The following ABCC2 variants were observed in gnomAD, a reference collection of about 807,000 sequenced individuals.
The protein encoded by ABCC2 is ATP-binding cassette sub-family C member 2.
A neutral mutation model predicts 173.4 loss-of-function variants in ABCC2; 157 were observed. The ratio of observed to expected loss-of-function variants is 0.91; its 90% CI spans 0.80 to 1.03. The LOEUF (loss-of-function observed/expected upper bound fraction) is 1.03. Among genes scored for constraint, ABCC2 ranks in the 50% least tolerant of loss-of-function variants. ABCC2 has a pLI of 0.00. For missense variants in ABCC2, 1,822 were observed against 1,852.3 expected, an observed-to-expected ratio of 0.98 and a Z score of 0.30; for synonymous variants, 657 against 693.5, an observed-to-expected ratio of 0.95 and a Z score of 0.83.
At chr10:99,795,769 A>AAG (rs1175788613) in intron 6 of ABCC2, among the ~76,000 whole-genome samples, 1 of 146,150 alleles carries the variant, frequency 6.8e-6, no homozygotes, top group African/African-American at 2.7e-5. Flanking sequence ...GAAAGAAAGA[A>AAG]AGAAAGAAAG....
intron 5 of ABCC2, among the ~76,000 whole-genome samples, 172 bp downstream of exon 5, chr10:99,794,171 A>C (rs1167538298): frequency 6.6e-6 from 1 of 152,092 alleles, no homozygotes; most frequent in African/African-American, 2.4e-5. Context: ...ACTGACTTTT[A>C]CTTTCACCTA....
chr10:99,843,956 C>G, intron 27 of ABCC2, 56 bp downstream of exon 27: 1 of 1,342,100 alleles, frequency 7.5e-7, no homozygotes, highest in South Asian at 1.2e-5. Context: ...GCAACTCCTT[C>G]GAGAGTGCAT....
chr10:99,799,133 C>T, intron 7 of ABCC2, 74 bp from the exon 8 acceptor site: 1 of 1,577,394 alleles, frequency 6.3e-7, no homozygotes, highest in Non-Finnish European at 8.7e-7. Flanking sequence ...GGCTCACAGG[C>T]TGACCACCCT....
chr10:99,801,394 G>A (rs1470643253), intron 9 of ABCC2, among the ~76,000 whole-genome samples: 1 of 152,108 alleles, frequency 6.6e-6, no homozygotes, highest in Admixed American at 6.5e-5. Context: ...GTGCCACCAC[G>A]CCCGGCTAAT....
At chr10:99,814,404 C>T (rs2038320376) in intron 16 of ABCC2, among the ~76,000 whole-genome samples, 1 of 138,844 alleles carries the variant, frequency 7.2e-6, no homozygotes, top group Admixed American at 7.0e-5. Flanking sequence ...GGTATATATA[C>T]ACACGTGTAT....
chr10:99,807,622 C>A, intron 12 of ABCC2, 101 bp downstream of exon 12: 1 of 1,536,682 alleles, frequency 6.5e-7, no homozygotes, highest in Middle Eastern at 2.1e-4. Context: ...CATCTCTAGG[C>A]CTGACCGCAA....
Position 99,831,689 on chromosome 10 carries a change from A to T in ABCC2, c.2962A>T (p.Met988Leu). 1.2e-6 allele frequency: 2 copies of T among 1,614,186 alleles called. No individual in the cohort carries two copies. Among genetic ancestry groups the T allele is most frequent in the Non-Finnish European group, 1.7e-6 (2 of 1,180,034 alleles). The change falls in exon 22 of 32, where the codon ATG (methionine) becomes TTG (leucine). Residue 988 changes from methionine (M) to leucine (L), a missense_variant. Coordinates refer to ENST00000647814, the MANE Select transcript of ABCC2 (RefSeq NM_000392.5). ...ATTCTTCATCATCCTTGCGTTTGTG[A>T]TGAATTCTGTGGCTTTTATTGGATC... ...SIFFIILAFV[M>L]NSVAFIGSNL...
intron 16 of ABCC2, among the ~76,000 whole-genome samples, chr10:99,814,376 CACATATAT>C (rs1477679943): frequency 2.2e-4 from 5 of 22,568 alleles, no homozygotes; most frequent in East Asian, 3.8e-3. Flanking sequence ...TGTATATATA[CACATATAT>C]ACATATATGG....
At chr10:99,842,188 T>C (rs1276519603) in intron 26 of ABCC2, 95 bp downstream of exon 26, 2 of 1,568,324 alleles carry the variant, frequency 1.3e-6, no homozygotes, top group East Asian at 4.5e-5. Flanking sequence ...TGATTCCTTC[T>C]TAAACCCAGA....
In ABCC2 at chr10:99,814,656, C is replaced by CAT. The variant is rs1326780036; in HGVS notation, c.2094+1515_2094+1516dup. On this transcript the variant is annotated intron_variant, in intron 16 of 31. Transcript: ENST00000647814. ...ATGTGTATATACACATATACACACA[C>CAT]ATATGTGTATATACACATATACACA... Among the ~76,000 whole-genome samples the CAT allele has an allele frequency of 1.8e-3, 149 of 82,188 alleles. 23 individuals are homozygous for CAT. The highest frequency in any genetic ancestry group is 8.2e-3 in the African/African-American group (107 of 12,984). The allele number at this position is 82,188 out of a possible 152,430, so 53.9% of individuals were successfully genotyped here.
chr10:99,806,359 A>G (rs2038104826), intron 11 of ABCC2, among the ~76,000 whole-genome samples: 1 of 152,146 alleles, frequency 6.6e-6, no homozygotes, highest in African/African-American at 2.4e-5. Flanking sequence ...GTGGTTTGTG[A>G]TGCTGGCAGC....
chr10:99,850,722 C>T lies in ABCC2; in HGVS notation c.4434C>T (p.Thr1478=). The change falls in exon 31 of 32, where the codon ACC becomes ACT. Residue 1478 remains threonine, a synonymous_variant. Transcript: ENST00000647814. The stretch of plus-strand genomic sequence containing the variant: ...AGACAGACAACCTCATTCAGACGAC[C>T]ATCCAAAACGAGTTCGCCCACTGCA... ...DLETDNLIQT[T]IQNEFAHCTV... The T allele has an allele frequency of 6.2e-7, 1 of 1,614,202 alleles. No individual in the cohort carries two copies. Among genetic ancestry groups the T allele is most frequent in the Non-Finnish European group, 8.5e-7 (1 of 1,180,042 alleles).
In ABCC2 at chr10:99,795,771, GAA is replaced by G. The variant is rs1414801319; in HGVS notation, c.632+1305_632+1306del. 3.8e-4 allele frequency among the ~76,000 whole-genome samples: 56 copies of G among 146,306 alleles called. 1 individual carries two copies. The highest frequency in any genetic ancestry group is 1.2e-3 in the East Asian group (6 of 5,064). On this transcript the variant is annotated intron_variant, in intron 6 of 31. Transcript: ENST00000647814. The stretch of plus-strand genomic sequence containing the variant: ...AGAAAGAAAGAAAGAAAGAAAGAAA[GAA>G]AGAAAGAAAGAAAGAAAGAAAGAAA...
At chr10:99,826,995 TCC>T (rs1454228877) in intron 19 of ABCC2, among the ~76,000 whole-genome samples, 7 of 151,826 alleles carry the variant, frequency 4.6e-5, no homozygotes, top group Non-Finnish European at 1.0e-4. Flanking sequence ...AGTATCTCCT[TCC>T]TTTCTTGATT....
chr10:99,807,503 C>T lies in ABCC2; in HGVS notation c.1650C>T (p.Phe550=). ...SQLQCVVIFV[F]QLTPVLVSVV... ...TACAGTGTGTAGTAATATTCGTCTT[C>T]CAGTTAACTCCAGTCCTGGTGAGTA... Residue 550 remains phenylalanine, a synonymous_variant, in exon 12 of 32, where the codon TTC becomes TTT. Transcript: ENST00000647814. 6.2e-7 allele frequency: 1 copy of T among 1,614,132 alleles called. No individual in the cohort carries two copies. Among genetic ancestry groups the T allele is most frequent in the Non-Finnish European group, 8.5e-7 (1 of 1,179,984 alleles).
At chr10:99,788,207 A>T (rs767597546) in intron 2 of ABCC2, among the ~76,000 whole-genome samples, 1 of 152,176 alleles carries the variant, frequency 6.6e-6, no homozygotes, top group Non-Finnish European at 1.5e-5. Context: ...CTACGTACAT[A>T]TATTTTTTCA....
intron 19 of ABCC2, among the ~76,000 whole-genome samples, chr10:99,827,930 T>C (rs1440643644): frequency 1.4e-4 from 1 of 7,280 alleles, no homozygotes; most frequent in East Asian, 3.3e-3. Context: ...ACCTTCACCC[T>C]AGAGAAAAGC....
chr10:99,796,419 G>A (rs1361220138), intron 6 of ABCC2, among the ~76,000 whole-genome samples: 1 of 152,002 alleles, frequency 6.6e-6, no homozygotes, highest in African/African-American at 2.4e-5. Context: ...CAGGAGAATC[G>A]CTTGAACCTG....
chr10:99,831,643 A>G lies in ABCC2; in HGVS notation c.2916A>G (p.Gln972=). The change falls in exon 22 of 32, where the codon CAA becomes CAG. Residue 972 remains glutamine (Q), a synonymous_variant. Transcript: ENST00000647814. ...VKFSIYLEYL[Q]AIGLFSIFFI... The stretch of plus-strand genomic sequence containing the variant: ...TCTCCATCTACCTGGAGTACCTACA[A>G]GCAATAGGATTGTTTTCGATATTCT... 1.2e-6 allele frequency: 2 copies of G among 1,614,198 alleles called. No individual in the cohort carries two copies. The highest frequency in any genetic ancestry group is 1.7e-6 in the Non-Finnish European group (2 of 1,180,028).
Sources: gnomAD v4.1 joint callset for allele counts (sites outside exome capture counted in the v4.1 genomes callset) on GRCh38, gnomAD v4.1.1 for gene constraint, MANE v1.5 for transcripts, NCBI Gene and HGNC (gene_info 2026-07-23, HGNC 2026-07-21) for gene names.